The following ACSS1 variants were observed in gnomAD, a reference collection of about 807,000 sequenced individuals.
The protein encoded by ACSS1 is acetyl-coenzyme A synthetase 2-like, mitochondrial.
Under a neutral mutation model 75.3 loss-of-function variants are expected in ACSS1, and 42 were observed. That is an observed-to-expected ratio of 0.56 (90% CI 0.44 to 0.72). The LOEUF (loss-of-function observed/expected upper bound fraction) is 0.72. Ranked by LOEUF, ACSS1 falls within the 30% of genes least tolerant of loss-of-function variation. ACSS1 has a pLI of 0.00. For synonymous variants in ACSS1, 380 were observed against 376.8 expected (o/e 1.01, Z -0.10); for missense variants, 782 against 935.7 (o/e 0.84, Z 2.14).
intron 7 of ACSS1, among the ~76,000 whole-genome samples, chr20:25,017,022 T>G (rs1044269421): frequency 6.6e-6 from 1 of 151,536 alleles, no homozygotes; most frequent in Non-Finnish European, 1.5e-5. Flanking sequence ...GACAAGGATC[T>G]TGCTCTGTTG....
intron 8 of ACSS1, among the ~76,000 whole-genome samples, chr20:25,014,801 A>C (rs887801793): frequency 6.6e-6 from 1 of 152,192 alleles, no homozygotes; most frequent in African/African-American, 2.4e-5. Context: ...AGGAAGGGAC[A>C]CGGCCCCTGA....
chr20:25,036,963 A>AG (rs1020014830), intron 2 of ACSS1, among the ~76,000 whole-genome samples: 1 of 146,372 alleles, frequency 6.8e-6, no homozygotes, highest in African/African-American at 2.7e-5. Context: ...AAAAAAAAAA[A>AG]AAGAAGAAGA....
intron 4 of ACSS1, among the ~76,000 whole-genome samples, 184 bp from the exon 5 acceptor site, chr20:25,023,276 A>C (rs1568835834): frequency 6.6e-6 from 1 of 152,166 alleles, no homozygotes; most frequent in African/African-American, 2.4e-5. Context: ...TTTGTGTTAC[A>C]GTAAGTGTTC....
intron 2 of ACSS1, among the ~76,000 whole-genome samples, chr20:25,047,310 C>T (rs1477533647): frequency 2.6e-5 from 4 of 152,190 alleles, no homozygotes; most frequent in Admixed American, 2.6e-4. Context: ...GGGATCCCTG[C>T]ACCAGGTCTG....
intron 3 of ACSS1, among the ~76,000 whole-genome samples, chr20:25,028,924 GAAAA>G (rs886250124): frequency 7.1e-6 from 1 of 141,248 alleles, no homozygotes; most frequent in African/African-American, 2.6e-5. Context: ...ATCTCAAAAA[GAAAA>G]AAAAAAGAAA....
intron 2 of ACSS1, among the ~76,000 whole-genome samples, chr20:25,033,695 TC>T (rs2088865035): frequency 2.0e-5 from 3 of 152,188 alleles, no homozygotes; most frequent in Admixed American, 6.5e-5. Flanking sequence ...GGAGCACAGC[TC>T]CGATGAGGAA....
chr20:25,022,064 A>G (rs1355992369), intron 5 of ACSS1, among the ~76,000 whole-genome samples: 4 of 152,146 alleles, frequency 2.6e-5, no homozygotes, highest in Non-Finnish European at 5.9e-5. Flanking sequence ...ACACATATCA[A>G]CAATATTTTA....
intron 2 of ACSS1, among the ~76,000 whole-genome samples, chr20:25,041,990 GT>G (rs900152257): frequency 6.6e-6 from 1 of 152,180 alleles, no homozygotes; most frequent in African/African-American, 2.4e-5. Context: ...CTAACAGTGG[GT>G]TGTGGAGCCC....
intron 8 of ACSS1, 97 bp downstream of exon 8, chr20:25,015,041 G>A (rs1055949787): frequency 1.7e-5 from 18 of 1,064,564 alleles, no homozygotes; most frequent in South Asian, 6.5e-5. Flanking sequence ...GTCTTCTATC[G>A]CACCTGCTGT....
intron 8 of ACSS1, 94 bp downstream of exon 8, chr20:25,015,044 C>A: frequency 1.8e-6 from 2 of 1,103,578 alleles, no homozygotes; most frequent in Non-Finnish European, 2.6e-6. Flanking sequence ...TTCTATCGCA[C>A]CTGCTGTTGA....
intron 3 of ACSS1, 115 bp from the exon 4 acceptor site, chr20:25,023,756 G>T: frequency 1.9e-6 from 2 of 1,039,404 alleles, no homozygotes; most frequent in Non-Finnish European, 2.7e-6. Context: ...GTCCAATCTT[G>T]AGTAAAAGAC....
At position 25,022,290 on chromosome 20, in the gene ACSS1, G is replaced by A. The variant is rs2088636803; in HGVS notation, c.960+650C>T. On this transcript the variant is annotated intron_variant, in intron 5 of 13. Transcript: ENST00000323482. ...ACAGGAGAGTCACTTGAACCCAGGA[G>A]GCAAAGGTTGCAGTGATCTGAGATC... Among the ~76,000 whole-genome samples, 3 of 152,218 alleles carry A rather than the reference G, an allele frequency of 2.0e-5. No homozygotes were observed. In the South Asian group the frequency reaches 6.2e-4, roughly 32 times the overall value.
intron 3 of ACSS1, among the ~76,000 whole-genome samples, chr20:25,026,649 T>C (rs1485011141): frequency 6.6e-6 from 1 of 152,244 alleles, no homozygotes; most frequent in East Asian, 1.9e-4. Context: ...CTAAAATTTA[T>C]TGTTTTCAGT....
chr20:25,057,527 CCGCCGGGTCCCCGCGGG>C (rs2089259708), intron 1 of ACSS1, among the ~76,000 whole-genome samples: 1 of 152,194 alleles, frequency 6.6e-6, no homozygotes, highest in Non-Finnish European at 1.5e-5. Flanking sequence ...TCCCAAGCGG[CCGCCGGGTCCCCGCGGG>C]CGCCGGCCCG....
intron 2 of ACSS1, among the ~76,000 whole-genome samples, chr20:25,037,904 C>T (rs369455405): frequency 1.3e-5 from 2 of 152,364 alleles, no homozygotes. Flanking sequence ...GATTTGCTCA[C>T]TCTGCTGAGA....
intron 4 of ACSS1, 53 bp downstream of exon 4, chr20:25,023,413 C>T: frequency 6.2e-7 from 1 of 1,606,282 alleles, no homozygotes; most frequent in Non-Finnish European, 8.5e-7. Flanking sequence ...AGCCTCAGAG[C>T]CAGCTAACTT....
intron 2 of ACSS1, chr20:25,032,448 T>C: frequency 7.4e-7 from 1 of 1,359,570 alleles, no homozygotes; most frequent in South Asian, 1.9e-5. Flanking sequence ...CCTCTGAATC[T>C]GGACCTGGCA....
intron 1 of ACSS1, among the ~76,000 whole-genome samples, chr20:25,048,795 T>C (rs1305054937): frequency 6.6e-6 from 1 of 152,216 alleles, no homozygotes; most frequent in Admixed American, 6.5e-5. Flanking sequence ...TCCCTCTCCA[T>C]TACCCAAGCT....
Position 25,007,253 on chromosome 20 carries a change from A to C in ACSS1, c.*509T>G, listed in dbSNP as rs773365861. The C allele has an allele frequency of 3.2e-5, 37 of 1,144,810 alleles. No individual in the cohort carries two copies. The highest frequency in any genetic ancestry group is 4.0e-5 in the Non-Finnish European group (37 of 929,734). The allele number at this position is 1,144,810 out of a possible 1,614,324, so 70.9% of individuals were successfully genotyped here. On this transcript the variant is annotated 3_prime_UTR_variant, in exon 14 of 14. Coordinates refer to ENST00000323482, the MANE Select transcript of ACSS1 (RefSeq NM_032501.4). ...AGTAGAGGCAAAAAAGGAGATTTTC[A>C]TAACTACATGTTAAAAAGAACATGT...
Sources: gnomAD v4.1 joint callset for allele counts (sites outside exome capture counted in the v4.1 genomes callset) on GRCh38, gnomAD v4.1.1 for gene constraint, MANE v1.5 for transcripts, NCBI Gene and HGNC (gene_info 2026-07-23, HGNC 2026-07-21) for gene names.